Variants in MPHOSPH8 observed in about 807,000 individuals in gnomAD.
The protein encoded by MPHOSPH8 is M-phase phosphoprotein, mpp.
MPHOSPH8 carries 45 observed loss-of-function variants against 87.3 expected under a neutral mutation model. The ratio of observed to expected loss-of-function variants is 0.52; its 90% CI spans 0.41 to 0.66. MPHOSPH8 has a LOEUF of 0.66. Among genes scored for constraint, MPHOSPH8 ranks in the 30% least tolerant of loss-of-function variants. The pLI is 0.00. For missense variants in MPHOSPH8, 883 were observed against 1,020.2 expected (o/e 0.87, Z 1.83); for synonymous variants, 366 against 376.9 (o/e 0.97, Z 0.33).
In MPHOSPH8 at chr13:19,633,970, A is replaced by G. The variant is rs1873852901; in HGVS notation, c.213+9A>G. On this transcript the variant is annotated intron_variant, in intron 1 of 13. Coordinates refer to ENST00000361479, the MANE Select transcript of MPHOSPH8 (RefSeq NM_017520.4). ...ACATGAAGACCGAGGGGGTATGTGG[A>G]GGGGCCCCGGCGCGGGGCTGGGCGG... is the stretch of plus-strand genomic sequence containing the variant. 2 of 1,602,188 alleles carry G rather than the reference A, an allele frequency of 1.2e-6. No homozygotes were observed. Among genetic ancestry groups the G allele is most frequent in the South Asian group, 1.1e-5 (1 of 88,836 alleles).
At position 19,659,327 on chromosome 13, in the gene MPHOSPH8, G is replaced by A. The variant is rs147674750; in HGVS notation, c.1791+38G>A. The A allele has an allele frequency of 1.8e-4, 255 of 1,432,800 alleles. No individual in the cohort carries two copies. In the East Asian group the frequency reaches 5.6e-3, roughly 32 times the overall value. 88.8% of individuals were successfully genotyped at this position (1,432,800 alleles called of 1,614,324 possible). On this transcript the variant is annotated intron_variant, in intron 7 of 13. Transcript: ENST00000361479. ...TGAAAAATCTCATGAAAGGAAAATG[G>A]AAAGTAACACTTGAAAGAATTCAGT...
In MPHOSPH8 at chr13:19,672,842, A is replaced by G. The variant is rs376764760; in HGVS notation, c.*967A>G. On this transcript the variant is annotated 3_prime_UTR_variant, in exon 14 of 14. Coordinates refer to ENST00000361479, the MANE Select transcript of MPHOSPH8 (RefSeq NM_017520.4). ...TAGCAGAGCGTGGTGGCTCACACCT[A>G]TAATCCCAGCGCTTTGGAGGCTGAG... 2.6e-3 allele frequency: 879 copies of G among 331,714 alleles called. 9 individuals are homozygous for G. Among genetic ancestry groups the G allele is most frequent in the African/African-American group, 0.018 (837 of 46,636 alleles). 20.5% of individuals were successfully genotyped at this position (331,714 alleles called of 1,614,324 possible). A position where few individuals can be genotyped will look rare whatever the true frequency, so the allele number is the denominator to read the frequency against.
rs1565943767 is a variant in MPHOSPH8, at chr13:19,666,588, GA to G, written c.2174+11del. 1 of 1,570,862 alleles carries G rather than the reference GA, an allele frequency of 6.4e-7. No homozygotes were observed. The highest frequency in any genetic ancestry group is 8.7e-7 in the Non-Finnish European group (1 of 1,146,866). ...AAGAACCATTTAGAGACGTAAGTGA[GA>G]AGCGACTGTGCCATAGTTAAGTCAC... On this transcript the variant is annotated intron_variant, in intron 10 of 13. Transcript: ENST00000361479.
intron 5 of MPHOSPH8, among the ~76,000 whole-genome samples, chr13:19,656,945 AACCCCGTCTCT>A (rs1264724326): frequency 6.6e-6 from 1 of 150,930 alleles, no homozygotes; most frequent in African/African-American, 2.4e-5. Context: ...AACATGGTGA[AACCCCGTCTCT>A]ACTAAAAATA....
At chr13:19,659,927 T>C (rs941223058) in intron 7 of MPHOSPH8, among the ~76,000 whole-genome samples, 2 of 150,714 alleles carry the variant, frequency 1.3e-5, no homozygotes, top group Non-Finnish European at 3.0e-5. Context: ...CTGTTGTAGC[T>C]GGGGATTTTT....
chr13:19,652,646 C>T (rs1211862408), intron 5 of MPHOSPH8, among the ~76,000 whole-genome samples: 1 of 152,162 alleles, frequency 6.6e-6, no homozygotes, highest in African/African-American at 2.4e-5. Context: ...TGGCGGGTCC[C>T]ACCCCCACAG....
At chr13:19,667,174 C>T (rs745619551) in intron 10 of MPHOSPH8, among the ~76,000 whole-genome samples, 11 of 151,872 alleles carry the variant, frequency 7.2e-5, no homozygotes, top group Admixed American at 2.6e-4. Flanking sequence ...CCCCCCACCA[C>T]CAAAAAAAGA....
chr13:19,646,347 C>T, intron 2 of MPHOSPH8, 96 bp from the exon 3 acceptor site: 1 of 1,089,174 alleles, frequency 9.2e-7, no homozygotes, highest in East Asian at 3.1e-5. Context: ...CTGCTTGGAA[C>T]AAAAAATATT....
At chr13:19,645,953 TGGGAA>T in intron 2 of MPHOSPH8, among the ~76,000 whole-genome samples, 1 of 152,282 alleles carries the variant, frequency 6.6e-6, no homozygotes, top group South Asian at 2.1e-4. Context: ...CACATGAACT[TGGGAA>T]GTAAGATTTG....
At chr13:19,662,034 C>A (rs1231575013) in intron 8 of MPHOSPH8, among the ~76,000 whole-genome samples, 196 bp downstream of exon 8, 1 of 151,960 alleles carries the variant, frequency 6.6e-6, no homozygotes, top group Admixed American at 6.6e-5. Flanking sequence ...CTCCACCTCC[C>A]GGGTTCACTC....
intron 7 of MPHOSPH8, 109 bp downstream of exon 7, chr13:19,659,398 G>A (rs1420270320): frequency 2.9e-5 from 26 of 894,488 alleles, no homozygotes; most frequent in Non-Finnish European, 4.1e-5. Flanking sequence ...GCGTGGTGGT[G>A]CACACCTGTA....
At chr13:19,653,495 C>G (rs891963730) in intron 5 of MPHOSPH8, among the ~76,000 whole-genome samples, 6 of 152,246 alleles carry the variant, frequency 3.9e-5, no homozygotes, top group Middle Eastern at 3.4e-3. Flanking sequence ...TTGCAAAAAC[C>G]AGAACACCTC....
rs1219027394 is a variant in MPHOSPH8, at chr13:19,642,037, T to A, written c.214-78T>A. 7 of 888,362 alleles carry A rather than the reference T, an allele frequency of 7.9e-6. No individual in the cohort carries two copies. The South Asian group carries it at 1.8e-4, about 23-fold the overall frequency. The allele number at this position is 888,362 out of a possible 1,614,324, so 55.0% of individuals were successfully genotyped here. On this transcript the variant is annotated intron_variant, in intron 1 of 13. Transcript: ENST00000361479. ...TTTCAAGTTCTTTCATGTCTTCTCA[T>A]CAGTTTTTTTTTTTTTTTTGGAAAT...
At chr13:19,654,452 T>C (rs1316165117) in intron 5 of MPHOSPH8, among the ~76,000 whole-genome samples, 1 of 152,124 alleles carries the variant, frequency 6.6e-6, no homozygotes, top group Non-Finnish European at 1.5e-5. Context: ...GCTCTGCACA[T>C]GTACCCCAGA....
At chr13:19,645,366 G>A (rs1013126521) in intron 2 of MPHOSPH8, among the ~76,000 whole-genome samples, 1 of 152,168 alleles carries the variant, frequency 6.6e-6, no homozygotes, top group African/African-American at 2.4e-5. Context: ...TAGTTGCCTT[G>A]TTTTTTATGA....
At chr13:19,641,791 T>A (rs1319898757) in intron 1 of MPHOSPH8, among the ~76,000 whole-genome samples, 1 of 151,942 alleles carries the variant, frequency 6.6e-6, no homozygotes, top group Admixed American at 6.6e-5. Flanking sequence ...CCACTGCGCC[T>A]GGCCCATAAT....
At chr13:19,646,422 A>G (rs760651178) in intron 2 of MPHOSPH8, 21 bp from the exon 3 acceptor site, 1 of 1,395,232 alleles carries the variant, frequency 7.2e-7, no homozygotes, top group Non-Finnish European at 9.4e-7. Context: ...TGAATATTTT[A>G]ATCTGTTTTG....
intron 5 of MPHOSPH8, among the ~76,000 whole-genome samples, chr13:19,652,043 G>A (rs1234398552): frequency 6.6e-6 from 1 of 152,102 alleles, no homozygotes; most frequent in African/African-American, 2.4e-5. Flanking sequence ...CAGAGGTTGT[G>A]GTGAGCCAAG....
At chr13:19,666,316 T>G in intron 9 of MPHOSPH8, 109 bp from the exon 10 acceptor site, 7 of 1,178,582 alleles carry the variant, frequency 5.9e-6, no homozygotes, top group Non-Finnish European at 7.1e-6. Context: ...CCTTCTTCCA[T>G]GGCCTGTGCC....
Sources: allele counts gnomAD v4.1 joint callset (sites outside exome capture counted in the v4.1 genomes callset), GRCh38; gene constraint gnomAD v4.1.1; transcripts MANE v1.5; gene names NCBI Gene and HGNC (gene_info 2026-07-23, HGNC 2026-07-21).